The following STK24 variants were observed in gnomAD, a reference collection of about 807,000 sequenced individuals.
The protein encoded by STK24 is serine/threonine kinase 24.
In STK24, 21 loss-of-function variants were observed where a neutral mutation model predicts 55.6. That is an observed-to-expected ratio of 0.38 (90% CI 0.27 to 0.54). The LOEUF (loss-of-function observed/expected upper bound fraction) is 0.54, where lower values mean the gene tolerates loss of function less well. STK24 is among the 20% of genes least tolerant of loss of function. The pLI, the probability that STK24 is intolerant of heterozygous loss-of-function variation, is 0.79. For synonymous variants in STK24, 200 were observed against 215.2 expected (o/e 0.93, Z 0.62); for missense variants, 383 against 538.4 (o/e 0.71, Z 2.86).
chr13:98,558,384 A>C (rs1357005661), intron 1 of STK24, among the ~76,000 whole-genome samples: 3 of 152,142 alleles, frequency 2.0e-5, no homozygotes, highest in Non-Finnish European at 4.4e-5. Context: ...TACTGAACCC[A>C]CTAGAGGGGG....
chr13:98,463,168 C>T (rs1893786170), intron 7 of STK24, among the ~76,000 whole-genome samples: 1 of 152,050 alleles, frequency 6.6e-6, no homozygotes, highest in Admixed American at 6.5e-5. Flanking sequence ...CACAAGTCTG[C>T]CCGACCACCT....
At chr13:98,548,861 C>CAAAAAAAAAAAAAAAAAAAA (rs55793722) in intron 1 of STK24, among the ~76,000 whole-genome samples, 1 of 37,804 alleles carries the variant, frequency 2.6e-5, no homozygotes, top group Admixed American at 3.0e-4. Flanking sequence ...GACTCTGTCT[C>CAAAAAAAAAAAAAAAAAAAA]AAAAAAAAAA....
chr13:98,538,043 G>A (rs1407865782), intron 1 of STK24, among the ~76,000 whole-genome samples: 1 of 151,912 alleles, frequency 6.6e-6, no homozygotes, highest in Non-Finnish European at 1.5e-5. Flanking sequence ...TTCCACCCTG[G>A]TTTTCTGTCA....
intron 1 of STK24, among the ~76,000 whole-genome samples, chr13:98,536,430 T>A (rs746283253): frequency 2.6e-5 from 4 of 151,718 alleles, no homozygotes; most frequent in Non-Finnish European, 4.4e-5. Context: ...AGTGGCACAA[T>A]CATGGCTCAT....
chr13:98,511,827 T>C (rs1455591261), intron 2 of STK24, among the ~76,000 whole-genome samples: 3 of 152,076 alleles, frequency 2.0e-5, no homozygotes, highest in Non-Finnish European at 2.9e-5. Context: ...GTCCCATGTG[T>C]GGTGGTACTT....
chr13:98,465,234 T>C (rs1260801098), intron 6 of STK24, among the ~76,000 whole-genome samples: 2 of 152,194 alleles, frequency 1.3e-5, no homozygotes, highest in African/African-American at 4.8e-5. Context: ...TGTTTTCAGA[T>C]TCAAACTCAT....
Position 98,466,483 on chromosome 13 carries a change from T to C in STK24, c.676A>G (p.Lys226Glu), listed in dbSNP as rs1893930521. Residue 226 changes from lysine to glutamate, a missense_variant, in exon 6 of 11, where the codon AAA (lysine) becomes GAA (glutamate). Coordinates refer to ENST00000539966, the MANE Select transcript of STK24 (RefSeq NM_001032296.4). ...EPPHSELHPM[K>E]VLFLIPKNNP... The stretch of plus-strand genomic sequence containing the variant: ...TTCTTTGGAATGAGGAATAAAACTT[T>C]CATGGGGTGCAGCTCGGAATGAGGT... 1 of 1,614,140 alleles carries C rather than the reference T, an allele frequency of 6.2e-7. No homozygotes were observed. The highest frequency in any genetic ancestry group is 8.5e-7 in the Non-Finnish European group (1 of 1,180,042).
chr13:98,470,664 C>A (rs1366165016), intron 5 of STK24, among the ~76,000 whole-genome samples: 3 of 152,158 alleles, frequency 2.0e-5, no homozygotes, highest in Admixed American at 6.5e-5. Flanking sequence ...GAGTGACCAC[C>A]CTGAGTTCTC....
chr13:98,559,002 T>TAAAAAAAAAA (rs60756124), intron 1 of STK24, among the ~76,000 whole-genome samples: 1 of 43,032 alleles, frequency 2.3e-5, no homozygotes, highest in African/African-American at 1.0e-4. Context: ...CTGTCTCTAC[T>TAAAAAAAAAA]AAAAAAAAAA....
intron 1 of STK24, among the ~76,000 whole-genome samples, chr13:98,527,718 A>G (rs1896472690): frequency 6.6e-6 from 1 of 152,186 alleles, no homozygotes; most frequent in South Asian, 2.1e-4. Context: ...GGACCGGGTG[A>G]GCCACAAGGG....
intron 1 of STK24, among the ~76,000 whole-genome samples, chr13:98,524,765 A>G (rs1896374713): frequency 6.6e-6 from 1 of 152,228 alleles, no homozygotes; most frequent in South Asian, 2.1e-4. Flanking sequence ...AGATTCTGGA[A>G]TGTTTTAGTA....
chr13:98,459,142 A>G (rs1893592723), intron 9 of STK24, among the ~76,000 whole-genome samples: 1 of 152,216 alleles, frequency 6.6e-6, no homozygotes, highest in South Asian at 2.1e-4. Flanking sequence ...CCAGCGGCCA[A>G]TGGCAGGGCC....
intron 1 of STK24, among the ~76,000 whole-genome samples, chr13:98,527,083 G>GCC (rs1896451296): frequency 6.6e-6 from 1 of 152,164 alleles, no homozygotes; most frequent in Non-Finnish European, 1.5e-5. Flanking sequence ...CATCCTTTTG[G>GCC]AGTTTATTTC....
At chr13:98,499,252 G>C (rs1895357004) in intron 2 of STK24, among the ~76,000 whole-genome samples, 1 of 150,606 alleles carries the variant, frequency 6.6e-6, no homozygotes, top group South Asian at 2.1e-4. Flanking sequence ...AAAAAAACCA[G>C]CTTCAAGTAA....
intron 1 of STK24, among the ~76,000 whole-genome samples, chr13:98,530,835 A>G (rs950856309): frequency 2.6e-5 from 4 of 152,228 alleles, no homozygotes; most frequent in African/African-American, 9.6e-5. Flanking sequence ...AGAACATGGG[A>G]AGCCATCTTT....
At chr13:98,576,208 C>T in intron 1 of STK24, 1 of 985,412 alleles carries the variant, frequency 1.0e-6, no homozygotes, top group Non-Finnish European at 1.2e-6. Flanking sequence ...CGGTTACCTT[C>T]CTCCACTCCA....
rs529467963 is a variant in STK24 at position 98,450,210 on chromosome 13, T to C, written c.*2963A>G. The C allele has an allele frequency of 6.4e-5, 9 of 141,178 alleles. No homozygotes were observed. The highest frequency in any genetic ancestry group is 1.5e-4 in the Non-Finnish European group (9 of 61,986). 8.7% of individuals were successfully genotyped at this position (141,178 alleles called of 1,614,324 possible). ...CACAATGATGCAGATACTCGTTTTC[T>C]TGAGCTTTATTGGCCCCTGCATGAT... On this transcript the variant is annotated 3_prime_UTR_variant, in exon 11 of 11. Coordinates refer to ENST00000539966, the MANE Select transcript of STK24 (RefSeq NM_001032296.4).
chr13:98,489,706 G>A lies in STK24; in HGVS notation c.274-7385C>T, dbSNP rs78696232. Among the ~76,000 whole-genome samples the A allele has an allele frequency of 8.3e-3, 1,256 of 151,994 alleles. 23 individuals are homozygous for A. Among genetic ancestry groups the A allele is most frequent in the African/African-American group, 0.028 (1,159 of 41,246 alleles). The stretch of plus-strand genomic sequence containing the variant: ...GACCTGCCAGCCTGGGGCAGGGGGT[G>A]TGTTTCTCACAGGCTCAGGTGGAGA... On this transcript the variant is annotated intron_variant, in intron 2 of 10. Transcript: ENST00000539966.
At chr13:98,537,720 C>T (rs1480763382) in intron 1 of STK24, among the ~76,000 whole-genome samples, 1 of 152,062 alleles carries the variant, frequency 6.6e-6, no homozygotes, top group African/African-American at 2.4e-5. Context: ...CTTTCTGCTG[C>T]CCCCTCAGTG....
Sources: gnomAD v4.1 joint callset for allele counts (sites outside exome capture counted in the v4.1 genomes callset) on GRCh38, gnomAD v4.1.1 for gene constraint, MANE v1.5 for transcripts, NCBI Gene and HGNC (gene_info 2026-07-23, HGNC 2026-07-21) for gene names.